The following CEACAM3 variants were observed in gnomAD, a reference collection of about 807,000 sequenced individuals.
CEACAM3 encodes the protein CEA cell adhesion molecule 3.
Under a neutral mutation model 30.1 loss-of-function variants are expected in CEACAM3, and 32 were observed. The ratio of observed to expected loss-of-function variants is 1.06; its 90% CI spans 0.80 to 1.43. The LOEUF (loss-of-function observed/expected upper bound fraction) is 1.43. Ranked by LOEUF, CEACAM3 falls within the 40% of genes most tolerant of loss-of-function variation. The probability of loss-of-function intolerance (pLI) is 0.00; values close to 1 mark genes in which losing one functional copy is unlikely to be tolerated. For missense variants in CEACAM3, 290 were observed against 316.3 expected, an observed-to-expected ratio of 0.92 and a Z score of 0.63; for synonymous variants, 134 against 127.2, an observed-to-expected ratio of 1.05 and a Z score of -0.36.
chr19:41,796,649 AGAG>A lies in CEACAM3; in HGVS notation c.-23_-21del. The A allele has an allele frequency of 1.9e-6, 3 of 1,611,256 alleles. No homozygotes were observed. Among genetic ancestry groups the A allele is most frequent in the Non-Finnish European group, 2.5e-6 (3 of 1,177,362 alleles). On this transcript the variant is annotated 5_prime_UTR_variant, in exon 1 of 7. Transcript: ENST00000357396. ...TCCTGGAGCCCAGGCTCTTTTCCACAGAGGAGGAAAGAGCAGGCAGCAGAGACC... is the reference window on the plus strand; with the variant it reads ...TCCTGGAGCCCAGGCTCTTTTCCACAGAGGAAAGAGCAGGCAGCAGAGACC...
rs1421710749 is a variant in CEACAM3, at chr19:41,810,676, G to T, written c.628-156G>T. On this transcript the variant is annotated intron_variant, in intron 5 of 6. Coordinates refer to ENST00000357396, the MANE Select transcript of CEACAM3 (RefSeq NM_001815.5). Reference sequence around the variant, plus strand: ...TGGGCCCAGCCAGGAAAAGGGTCAGGGTGCTGTGTCCACACTGGGAGGCTG... The same window carrying T: ...TGGGCCCAGCCAGGAAAAGGGTCAGTGTGCTGTGTCCACACTGGGAGGCTG... Among the ~76,000 whole-genome samples, 4 of 152,238 alleles carry T rather than the reference G, an allele frequency of 2.6e-5. No individual in the cohort carries two copies. In the South Asian group the frequency reaches 6.2e-4, roughly 24 times the overall value.
In CEACAM3 at chr19:41,809,961, C is replaced by T. The variant is rs368627859; in HGVS notation, c.543-4C>T. 899 of 1,613,870 alleles carry T rather than the reference C, an allele frequency of 5.6e-4. 4 individuals are homozygous for T. The South Asian group carries it at 5.9e-3, about 11-fold the overall frequency. ...CCCTCCCAAATGACCCTGACCTTTCCTAGAACCAGCATCCAGCGTGACCTC... is the reference window on the plus strand; with the variant it reads ...CCCTCCCAAATGACCCTGACCTTTCTTAGAACCAGCATCCAGCGTGACCTC... On this transcript the variant is annotated splice_region_variant and splice_polypyrimidine_tract_variant and intron_variant, in intron 3 of 6. Coordinates refer to ENST00000357396, the MANE Select transcript of CEACAM3 (RefSeq NM_001815.5).
At chr19:41,807,971 C>T (rs889640615) in intron 2 of CEACAM3, among the ~76,000 whole-genome samples, 1 of 152,192 alleles carries the variant, frequency 6.6e-6, no homozygotes, top group Admixed American at 6.5e-5. Context: ...ATGCTTGCCT[C>T]GCCCATAACT....
chr19:41,808,554 T>C (rs2073221599), intron 2 of CEACAM3, among the ~76,000 whole-genome samples: 1 of 152,222 alleles, frequency 6.6e-6, no homozygotes, highest in South Asian at 2.1e-4. Flanking sequence ...AAGGAGGGAC[T>C]AAAAGGCACA....
intron 2 of CEACAM3, among the ~76,000 whole-genome samples, chr19:41,803,609 G>A (rs1215702526): frequency 3.0e-4 from 46 of 152,136 alleles, no homozygotes; most frequent in African/African-American, 1.1e-3. Flanking sequence ...TGGGACCACA[G>A]GCGCCCGCCA....
chr19:41,797,782 T>C lies in CEACAM3; in HGVS notation c.258T>C (p.Thr86=), dbSNP rs782704278. The change falls in exon 2 of 7, where the codon ACT becomes ACC. Residue 86 remains threonine (T), a synonymous_variant. Coordinates refer to ENST00000357396, the MANE Select transcript of CEACAM3 (RefSeq NM_001815.5). ...NSLIVGYVIG[T]QQATPGAAYS... is the part of the protein sequence containing the mutation. The stretch of plus-strand genomic sequence containing the variant: ...TAATTGTAGGATATGTAATAGGAAC[T>C]CAACAAGCTACCCCAGGGGCCGCAT... 1.2e-6 allele frequency: 2 copies of C among 1,612,026 alleles called. No individual in the cohort carries two copies. Among genetic ancestry groups the C allele is most frequent in the Non-Finnish European group, 1.7e-6 (2 of 1,179,958 alleles).
rs1045272942 is a variant in CEACAM3, at chr19:41,808,838, G to C, written c.450G>C (p.Val150=). ...VYQENAPGLP[V]GAVAGIVTGV... ...AAGAAAATGCCCCAGGCCTTCCTGT[G>C]GGGGCCGTCGCCGGCATCGTGACCG... Residue 150 remains valine, a synonymous_variant, in exon 3 of 7, where the codon GTG becomes GTC. Coordinates refer to ENST00000357396, the MANE Select transcript of CEACAM3 (RefSeq NM_001815.5). 1 of 1,612,300 alleles carries C rather than the reference G, an allele frequency of 6.2e-7. No homozygotes were observed. Among genetic ancestry groups the C allele is most frequent in the Non-Finnish European group, 8.5e-7 (1 of 1,179,030 alleles).
intron 1 of CEACAM3, 109 bp downstream of exon 1, chr19:41,796,850 C>CCTT: frequency 1.7e-6 from 2 of 1,175,804 alleles, no homozygotes; most frequent in Non-Finnish European, 2.4e-6. Flanking sequence ...TCTGCTGAAG[C>CCTT]CTCAGGGGAG....
chr19:41,802,789 G>A (rs1457416102), intron 2 of CEACAM3, among the ~76,000 whole-genome samples: 1 of 152,226 alleles, frequency 6.6e-6, no homozygotes, highest in Non-Finnish European at 1.5e-5. Flanking sequence ...ACCAGAGCCT[G>A]ACCTGCTGGG....
chr19:41,806,872 A>G (rs906641716), intron 2 of CEACAM3, among the ~76,000 whole-genome samples: 5 of 152,040 alleles, frequency 3.3e-5, no homozygotes, highest in African/African-American at 1.2e-4. Flanking sequence ...ATTTTTTAGT[A>G]GAGACGGGGT....
Position 41,797,569 on chromosome 19 carries a change from T to C in CEACAM3, c.65-20T>C. On this transcript the variant is annotated intron_variant, in intron 1 of 6. Transcript: ENST00000357396. Reference sequence around the variant, plus strand: ...CCAATACATGGGTCCCAATATTGACTGATGCTTTCTCCCTCCTAGCCTCAC... The same window carrying C: ...CCAATACATGGGTCCCAATATTGACCGATGCTTTCTCCCTCCTAGCCTCAC... 1 of 1,604,038 alleles carries C rather than the reference T, an allele frequency of 6.2e-7. No individual in the cohort carries two copies. Among genetic ancestry groups the C allele is most frequent in the African/African-American group, 1.3e-5 (1 of 74,830 alleles).
At chr19:41,807,984 G>T (rs1555827022) in intron 2 of CEACAM3, among the ~76,000 whole-genome samples, 1 of 152,174 alleles carries the variant, frequency 6.6e-6, no homozygotes, top group African/African-American at 2.4e-5. Flanking sequence ...CCATAACTCA[G>T]CCACTGGCCT....
chr19:41,805,273 T>C (rs1393284530), intron 2 of CEACAM3, among the ~76,000 whole-genome samples: 4 of 142,124 alleles, frequency 2.8e-5, no homozygotes, highest in Admixed American at 7.7e-5. Context: ...TGCTCTTTTA[T>C]TCTTTTTTCT....
chr19:41,808,875 G>T lies in CEACAM3; in HGVS notation c.487G>T (p.Gly163Ter). 6.2e-7 allele frequency: 1 copy of T among 1,609,954 alleles called. No individual in the cohort carries two copies. Among genetic ancestry groups the T allele is most frequent in the Non-Finnish European group, 8.5e-7 (1 of 1,178,034 alleles). Residue 163 changes from glycine (G) to a stop codon, truncating the protein, a stop_gained, in exon 3 of 7, where the codon GGA becomes TGA. Transcript: ENST00000357396. LOFTEE classifies it high-confidence loss of function. Reference sequence around the variant, plus strand: ...CGGCATCGTGACCGGGGTCCTGGTCGGAGTGGCGCTGGTGGCCGCGCTGGT... The same window carrying T: ...CGGCATCGTGACCGGGGTCCTGGTCTGAGTGGCGCTGGTGGCCGCGCTGGT... Reference protein sequence around the residue: ...VAGIVTGVLVGVALVAALVCF... With the variant: ...VAGIVTGVLV
rs2073175701 is a variant in CEACAM3, at chr19:41,803,752, C to CAGCTACAGTG, written c.425-5060_425-5059insGCTACAGTGA. On this transcript the variant is annotated intron_variant, in intron 2 of 6. Coordinates refer to ENST00000357396, the MANE Select transcript of CEACAM3 (RefSeq NM_001815.5). ...AAGTGCTGGGATTACAGGCATGAGC[C>CAGCTACAGTG]ACCATGCCCGGCCTGAAACAGCAAA... is the stretch of plus-strand genomic sequence containing the variant. 8.6e-5 allele frequency among the ~76,000 whole-genome samples: 8 copies of CAGCTACAGTG among 93,518 alleles called. 1 individual carries two copies. Among genetic ancestry groups the CAGCTACAGTG allele is most frequent in the Non-Finnish European group, 2.0e-4 (7 of 34,868 alleles). The allele number at this position is 93,518 out of a possible 152,430, so 61.4% of individuals were successfully genotyped here.
Position 41,796,613 on chromosome 19 carries a change from G to A in CEACAM3, c.-65G>A. 3 of 1,582,756 alleles carry A rather than the reference G, an allele frequency of 1.9e-6. No individual in the cohort carries two copies. The highest frequency in any genetic ancestry group is 1.1e-5 in the South Asian group (1 of 90,344). On this transcript the variant is annotated 5_prime_UTR_variant, in exon 1 of 7. Transcript: ENST00000357396. ...GCAGAGCCTAAGTCACAGTAGCCCT[G>A]ACTACAGCATTCCTGGAGCCCAGGC... is the stretch of plus-strand genomic sequence containing the variant.
chr19:41,808,214 CTGA>C (rs2073218899), intron 2 of CEACAM3, among the ~76,000 whole-genome samples: 1 of 152,242 alleles, frequency 6.6e-6, no homozygotes, highest in Non-Finnish European at 1.5e-5. Flanking sequence ...TTTCTCACAG[CTGA>C]CCTTGGGGCC....
chr19:41,804,975 A>C (rs56200855), intron 2 of CEACAM3, among the ~76,000 whole-genome samples: 1 of 152,126 alleles, frequency 6.6e-6, no homozygotes, highest in Non-Finnish European at 1.5e-5. Flanking sequence ...AATATCCAAA[A>C]TTTTTTGACC....
At chr19:41,803,223 G>A (rs1555826221) in intron 2 of CEACAM3, among the ~76,000 whole-genome samples, 2 of 152,118 alleles carry the variant, frequency 1.3e-5, no homozygotes, top group African/African-American at 4.8e-5. Flanking sequence ...GGAACAGATG[G>A]GTGATGTAAG....
Sources: allele counts gnomAD v4.1 joint callset (sites outside exome capture counted in the v4.1 genomes callset), GRCh38; gene constraint gnomAD v4.1.1; transcripts MANE v1.5; gene names NCBI Gene and HGNC (gene_info 2026-07-23, HGNC 2026-07-21).